The following ABCA13 variants were observed in gnomAD, a reference collection of about 807,000 sequenced individuals.
ABCA13 encodes the protein ATP-binding cassette sub-family A member 13.
ABCA13 carries 476 observed loss-of-function variants against 478.7 expected under a neutral mutation model. The observed-to-expected ratio is 0.99, with a 90% CI of 0.92 to 1.07. The LOEUF (loss-of-function observed/expected upper bound fraction) is 1.07. Ranked by LOEUF, ABCA13 falls within the 50% of genes least tolerant of loss-of-function variation. The pLI, the probability that ABCA13 is intolerant of heterozygous loss-of-function variation, is 0.00. For missense variants in ABCA13, 6,060 were observed against 5,910.6 expected (o/e 1.03, Z -0.83); for synonymous variants, 2,252 against 2,158.9 (o/e 1.04, Z -1.20).
At chr7:48,419,340 A>G (rs543467193) in intron 41 of ABCA13, among the ~76,000 whole-genome samples, 41 of 152,276 alleles carry the variant, frequency 2.7e-4, no homozygotes, top group African/African-American at 9.6e-4. Context: ...TTACCCATTC[A>G]TATTCCTTTT....
At chr7:48,448,825 A>C (rs73330026) in intron 42 of ABCA13, among the ~76,000 whole-genome samples, 120 of 152,216 alleles carry the variant, frequency 7.9e-4, no homozygotes, top group African/African-American at 2.8e-3. Context: ...ACTTTTTAAG[A>C]ATATATTTAA....
rs994295436 is a variant in ABCA13 at position 48,273,939 on chromosome 7, A to G, written c.4273A>G (p.Arg1425Gly). 1.6e-5 allele frequency: 26 copies of G among 1,612,180 alleles called. No homozygotes were observed. Among genetic ancestry groups the G allele is most frequent in the Non-Finnish European group, 2.2e-5 (26 of 1,178,978 alleles). Residue 1425 changes from arginine (R) to glycine (G), a missense_variant, in exon 17 of 62, where the codon AGA becomes GGA. This residue lies in a region of ABCA13 where 4,423 missense variants were observed against 4,309.1 expected (regional missense o/e 1.03). Coordinates refer to ENST00000435803, the MANE Select transcript of ABCA13 (RefSeq NM_152701.5). ...GHLQNILGNF[R>G]DIENKMNSIL... Reference sequence around the variant, plus strand: ...TCTTCAAAATATTTTGGGGAATTTCAGAGATATAGAAAACAAAATGAACTC... The same window carrying G: ...TCTTCAAAATATTTTGGGGAATTTCGGAGATATAGAAAACAAAATGAACTC...
chr7:48,514,789 A>G (rs1245952301), intron 51 of ABCA13, among the ~76,000 whole-genome samples: 2 of 152,074 alleles, frequency 1.3e-5, no homozygotes, highest in Non-Finnish European at 2.9e-5. Context: ...AGCCCTAAGA[A>G]GTCATGACTT....
intron 54 of ABCA13, among the ~76,000 whole-genome samples, chr7:48,525,997 T>C (rs1420482661): frequency 6.6e-6 from 1 of 152,126 alleles, no homozygotes; most frequent in East Asian, 1.9e-4. Flanking sequence ...AGTGTTTGGT[T>C]TTCTGTTTCT....
chr7:48,395,212 G>A (rs1816675625), intron 38 of ABCA13, among the ~76,000 whole-genome samples: 1 of 152,186 alleles, frequency 6.6e-6, no homozygotes, highest in Admixed American at 6.5e-5. Flanking sequence ...GCCGTCTAAT[G>A]ATGGTTCACA....
chr7:48,599,845 T>C (rs963399402), intron 58 of ABCA13, among the ~76,000 whole-genome samples: 3 of 152,214 alleles, frequency 2.0e-5, no homozygotes, highest in African/African-American at 7.2e-5. Context: ...AGGCTTAACA[T>C]ATGGTCTATC....
At chr7:48,403,368 C>T (rs1817861707) in intron 38 of ABCA13, among the ~76,000 whole-genome samples, 3 of 152,242 alleles carry the variant, frequency 2.0e-5, no homozygotes, top group East Asian at 3.9e-4. Context: ...CAGGGCCCTC[C>T]CTGGCAGAAG....
chr7:48,276,823 A>T (rs908817737), intron 17 of ABCA13, among the ~76,000 whole-genome samples: 1 of 152,200 alleles, frequency 6.6e-6, no homozygotes, highest in African/African-American at 2.4e-5. Flanking sequence ...TTATGAAAAC[A>T]ATTATGAATT....
intron 42 of ABCA13, among the ~76,000 whole-genome samples, chr7:48,445,053 G>C (rs1331683122): frequency 6.7e-6 from 1 of 148,580 alleles, no homozygotes. Flanking sequence ...TTGTCACCCA[G>C]GCTGGAGTGC....
chr7:48,547,315 T>G (rs554049627), intron 55 of ABCA13, among the ~76,000 whole-genome samples: 11 of 152,040 alleles, frequency 7.2e-5, no homozygotes, highest in African/African-American at 2.2e-4. Context: ...CTCTATTACA[T>G]AGTTATATTC....
At chr7:48,498,885 G>A (rs1830498093) in intron 48 of ABCA13, among the ~76,000 whole-genome samples, 1 of 152,170 alleles carries the variant, frequency 6.6e-6, no homozygotes, top group Admixed American at 6.5e-5. Flanking sequence ...CATAGATTAT[G>A]CAAATGTTTG....
At chr7:48,468,270 C>T (rs1827107647) in intron 44 of ABCA13, among the ~76,000 whole-genome samples, 1 of 152,164 alleles carries the variant, frequency 6.6e-6, no homozygotes, top group African/African-American at 2.4e-5. Context: ...TGCAGTAGAG[C>T]CCCAAACTCT....
At chr7:48,548,847 C>T (rs1418867563) in intron 55 of ABCA13, among the ~76,000 whole-genome samples, 1 of 151,582 alleles carries the variant, frequency 6.6e-6, no homozygotes, top group East Asian at 1.9e-4. Context: ...ATGCTCCTTA[C>T]ACCTGGGGAG....
At chr7:48,479,047 A>G (rs562725577) in intron 45 of ABCA13, among the ~76,000 whole-genome samples, 1 of 148,816 alleles carries the variant, frequency 6.7e-6, no homozygotes, top group African/African-American at 2.5e-5. Flanking sequence ...TCCTGGGTTC[A>G]CGCCATTCTC....
rs1208217707 is a variant in ABCA13, at chr7:48,281,362, G to A, written c.8746G>A (p.Val2916Ile). ...TDQSVVEICE[V>I]FQQTVKPSEA... ...GCTAAGTGTTGTTGAGATTTGTGAA[G>A]TTTTCCAGCAGACTGTGAAGCCCTC... Residue 2916 changes from valine to isoleucine, a missense_variant, in exon 19 of 62, where the codon GTT becomes ATT. Val to Ile is a conservative substitution (Grantham distance 29). Around this residue, in one of 3 missense-constraint regions of ABCA13, gnomAD observed 4,423 missense variants for 4,309.1 expected, o/e 1.03. Coordinates refer to ENST00000435803, the MANE Select transcript of ABCA13 (RefSeq NM_152701.5). The A allele has an allele frequency of 1.9e-6, 3 of 1,606,642 alleles. No individual in the cohort carries two copies. Among genetic ancestry groups the A allele is most frequent in the Admixed American group, 3.4e-5 (2 of 59,006 alleles).
intron 1 of ABCA13, among the ~76,000 whole-genome samples, chr7:48,191,711 G>T (rs996199849): frequency 9.9e-5 from 15 of 152,196 alleles, no homozygotes; most frequent in Middle Eastern, 3.4e-3. Flanking sequence ...CCCGGCCAAA[G>T]AGGGTGATTT....
At chr7:48,627,116 A>G (rs1477016905) in intron 59 of ABCA13, 1 of 896,018 alleles carries the variant, frequency 1.1e-6, no homozygotes, top group Non-Finnish European at 1.3e-6. Flanking sequence ...GCATGGTCTT[A>G]TTTAATCTTT....
rs531000741 is a variant in ABCA13, at chr7:48,533,928, G to T, written c.14354+5583G>T. ...GTCTCCTGAAGACAGCAGAAATTTGGTTGATGAATTCTTCTCTATTCTGCC... is the reference window on the plus strand; with the variant it reads ...GTCTCCTGAAGACAGCAGAAATTTGTTTGATGAATTCTTCTCTATTCTGCC... On this transcript the variant is annotated intron_variant, in intron 55 of 61. Transcript: ENST00000435803. Among the ~76,000 whole-genome samples, 7 of 152,184 alleles carry T rather than the reference G, an allele frequency of 4.6e-5. No homozygotes were observed. The South Asian group carries it at 1.5e-3, about 32-fold the overall frequency.
intron 29 of ABCA13, among the ~76,000 whole-genome samples, chr7:48,341,879 GA>G (rs1807254813): frequency 3.2e-5 from 1 of 31,332 alleles, no homozygotes; most frequent in African/African-American, 1.1e-4. Flanking sequence ...ATATCTTTCT[GA>G]TATATATATA....
Sources: allele counts gnomAD v4.1 joint callset (sites outside exome capture counted in the v4.1 genomes callset), GRCh38; gene constraint gnomAD v4.1.1; regional missense constraint gnomAD v4.1.1; transcripts MANE v1.5; gene names NCBI Gene and HGNC (gene_info 2026-07-23, HGNC 2026-07-21).